The following RWDD4 variants were observed in gnomAD, a reference collection of about 807,000 sequenced individuals.
The protein encoded by RWDD4 is RWD domain containing 4.
In RWDD4, 16 loss-of-function variants were observed where a neutral mutation model predicts 30.0. The observed-to-expected ratio is 0.53, with a 90% CI of 0.36 to 0.81. The LOEUF (loss-of-function observed/expected upper bound fraction) is 0.81, where lower values mean the gene tolerates loss of function less well. RWDD4 is among the 30% of genes least tolerant of loss of function. RWDD4 has a pLI of 0.00. For missense variants in RWDD4, 170 were observed against 223.9 expected (o/e 0.76, Z 1.54); for synonymous variants, 45 against 72.1 (o/e 0.62, Z 1.90).
At chr4:183,652,200 TA>T (rs1219596962) in intron 2 of RWDD4, among the ~76,000 whole-genome samples, 2 of 152,156 alleles carry the variant, frequency 1.3e-5, no homozygotes, top group Non-Finnish European at 2.9e-5. Context: ...ATCTAATACA[TA>T]AACCATATTA....
intron 1 of RWDD4, among the ~76,000 whole-genome samples, chr4:183,657,506 G>A (rs1343145074): frequency 6.6e-6 from 1 of 152,204 alleles, no homozygotes; most frequent in Non-Finnish European, 1.5e-5. Flanking sequence ...AGCTAATGAT[G>A]AAATTTAGCA....
At chr4:183,654,738 T>A (rs930374434) in intron 2 of RWDD4, among the ~76,000 whole-genome samples, 3 of 152,150 alleles carry the variant, frequency 2.0e-5, no homozygotes, top group Non-Finnish European at 4.4e-5. Flanking sequence ...ACATTTGAGG[T>A]CCATGGTTAT....
intron 7 of RWDD4, among the ~76,000 whole-genome samples, chr4:183,644,634 C>T (rs576389537): frequency 6.6e-6 from 1 of 152,156 alleles, no homozygotes; most frequent in African/African-American, 2.4e-5. Flanking sequence ...CAAAAATTAG[C>T]CAGGTGTGGC....
rs552584417 is a variant in RWDD4, at chr4:183,659,003, G to A, written c.-51C>T. The A allele has an allele frequency of 7.6e-5, 95 of 1,251,112 alleles. No individual in the cohort carries two copies. The African/African-American group carries it at 1.4e-3, about 18-fold the overall frequency. 77.5% of individuals were successfully genotyped at this position (1,251,112 alleles called of 1,614,324 possible). ...AGCGGACGGCGTTCGCAACAACGAA[G>A]AGAAAGCGAAGGCAGCGGCCCAGAG... is the stretch of plus-strand genomic sequence containing the variant. On this transcript the variant is annotated 5_prime_UTR_variant, in exon 1 of 8. Coordinates refer to ENST00000326397, the MANE Select transcript of RWDD4 (RefSeq NM_152682.4).
intron 7 of RWDD4, 148 bp downstream of exon 7, chr4:183,646,203 G>C: frequency 1.6e-6 from 1 of 613,946 alleles, no homozygotes; most frequent in Non-Finnish European, 2.9e-6. Flanking sequence ...TGTCCCCTAA[G>C]TATCTGCATT....
Position 183,649,580 on chromosome 4 carries a change from AAG to A in RWDD4, c.364-14_364-13del, listed in dbSNP as rs1206149324. 7.2e-7 allele frequency: 1 copy of A among 1,396,120 alleles called. No individual in the cohort carries two copies. Among genetic ancestry groups the A allele is most frequent in the East Asian group, 2.3e-5 (1 of 43,850 alleles). 86.5% of individuals were successfully genotyped at this position (1,396,120 alleles called of 1,614,324 possible). On this transcript the variant is annotated splice_polypyrimidine_tract_variant and intron_variant, in intron 4 of 7. Coordinates refer to ENST00000326397, the MANE Select transcript of RWDD4 (RefSeq NM_152682.4). ...TTGCTTATCGATGTCTAAAAAAAAA[AAG>A]AAATAATTCTCAGCCTCATACCTTA...
At chr4:183,647,936 G>GA (rs1221858657) in intron 5 of RWDD4, among the ~76,000 whole-genome samples, 2 of 152,246 alleles carry the variant, frequency 1.3e-5, no homozygotes, top group East Asian at 3.9e-4. Flanking sequence ...CATTACAGAA[G>GA]AAAGGACATT....
chr4:183,644,728 A>G (rs1733933039), intron 7 of RWDD4, among the ~76,000 whole-genome samples: 1 of 151,998 alleles, frequency 6.6e-6, no homozygotes, highest in Non-Finnish European at 1.5e-5. Flanking sequence ...CAGTGAGCTG[A>G]GATCATGCCA....
intron 2 of RWDD4, among the ~76,000 whole-genome samples, chr4:183,655,462 TA>T (rs1561014382): frequency 6.6e-6 from 1 of 151,706 alleles, no homozygotes; most frequent in East Asian, 1.9e-4. Flanking sequence ...TTTGTATTTT[TA>T]GTAGAGACAG....
intron 2 of RWDD4, among the ~76,000 whole-genome samples, chr4:183,651,603 A>G (rs779544198): frequency 7.2e-5 from 11 of 152,182 alleles, no homozygotes; most frequent in Non-Finnish European, 1.3e-4. Context: ...TACCACGCCT[A>G]CATCTTAGGT....
rs878920134 is a variant in RWDD4 at position 183,658,837 on chromosome 4, C to T, written c.24+92G>A. The T allele has an allele frequency of 8.9e-6, 10 of 1,126,310 alleles. No individual in the cohort carries two copies. In the South Asian group the frequency reaches 3.1e-4, roughly 35 times the overall value. 69.8% of individuals were successfully genotyped at this position (1,126,310 alleles called of 1,614,324 possible). ...CGGCTCCGAGGGCACAGGGCACGTG[C>T]CGGGCAGGCTGTCCGGGCACCAGGT... On this transcript the variant is annotated intron_variant, in intron 1 of 7. Transcript: ENST00000326397.
chr4:183,644,709 C>A (rs1045172979), intron 7 of RWDD4, among the ~76,000 whole-genome samples: 5 of 151,582 alleles, frequency 3.3e-5, no homozygotes, highest in African/African-American at 1.2e-4. Context: ...AACCCAGGAG[C>A]AGAGGGTGCA....
intron 2 of RWDD4, among the ~76,000 whole-genome samples, chr4:183,654,648 G>A (rs1734148338): frequency 1.3e-5 from 2 of 152,062 alleles, no homozygotes; most frequent in South Asian, 4.1e-4. Flanking sequence ...GGAAATTCTC[G>A]ACCTCCCATT....
intron 2 of RWDD4, among the ~76,000 whole-genome samples, chr4:183,653,839 T>C (rs926946527): frequency 8.5e-5 from 13 of 152,200 alleles, no homozygotes; most frequent in Non-Finnish European, 1.5e-5. Flanking sequence ...GTACCGAAGA[T>C]ACAAAGATAG....
chr4:183,651,165 A>G, intron 3 of RWDD4, 34 bp from the exon 4 acceptor site: 1 of 1,611,310 alleles, frequency 6.2e-7, no homozygotes, highest in Non-Finnish European at 8.5e-7. Flanking sequence ...TTGCTGAGAG[A>G]AAAGTATAAC....
chr4:183,651,522 G>C (rs1008445222), intron 2 of RWDD4, among the ~76,000 whole-genome samples, 195 bp from the exon 3 acceptor site: 3 of 152,192 alleles, frequency 2.0e-5, no homozygotes, highest in Non-Finnish European at 4.4e-5. Context: ...CTTTAATTTA[G>C]TCCTAGTATA....
At chr4:183,644,600 G>A (rs2111230988) in intron 7 of RWDD4, among the ~76,000 whole-genome samples, 1 of 152,100 alleles carries the variant, frequency 6.6e-6, no homozygotes, top group Non-Finnish European at 1.5e-5. Context: ...TCTACATGGC[G>A]AAAGCCCATC....
chr4:183,650,883 C>T (rs4547833), intron 4 of RWDD4, 101 bp downstream of exon 4: 286,784 of 1,198,086 alleles, frequency 0.24, 35,353 homozygotes, highest in Admixed American at 0.26. Flanking sequence ...TTTAACAAGT[C>T]TTCTTCCGAT....
chr4:183,655,733 G>A, intron 2 of RWDD4, 148 bp downstream of exon 2: 2 of 516,776 alleles, frequency 3.9e-6, no homozygotes, highest in East Asian at 2.8e-5. Context: ...AAAAATGACT[G>A]ATGTTAGGGT....
Sources: allele counts gnomAD v4.1 joint callset (sites outside exome capture counted in the v4.1 genomes callset), GRCh38; gene constraint gnomAD v4.1.1; transcripts MANE v1.5; gene names NCBI Gene and HGNC (gene_info 2026-07-23, HGNC 2026-07-21).